Variants in SPON1 observed in about 807,000 individuals in gnomAD.
SPON1 encodes the protein spondin-1.
A neutral mutation model predicts 111.7 loss-of-function variants in SPON1; 52 were observed. That is an observed-to-expected ratio of 0.47 (90% confidence interval 0.37 to 0.59). The LOEUF (loss-of-function observed/expected upper bound fraction) is 0.59, where lower values mean the gene tolerates loss of function less well. SPON1 is among the 20% of genes least tolerant of loss of function. SPON1 has a pLI of 0.00. For synonymous variants in SPON1, 410 were observed against 395.8 expected, an observed-to-expected ratio of 1.04 and a Z score of -0.43; for missense variants, 957 against 1,068.5, an observed-to-expected ratio of 0.90 and a Z score of 1.46.
intron 5 of SPON1, among the ~76,000 whole-genome samples, chr11:14,096,825 G>T (rs565928144): frequency 1.8e-4 from 27 of 152,238 alleles, no homozygotes; most frequent in African/African-American, 5.8e-4. Flanking sequence ...TTTCCTGTGG[G>T]ACTGAGACTG....
chr11:14,173,075 T>C (rs1455266342), intron 6 of SPON1, among the ~76,000 whole-genome samples: 4 of 151,964 alleles, frequency 2.6e-5, no homozygotes, highest in African/African-American at 9.7e-5. Flanking sequence ...CTGGATAATA[T>C]CCTGCAGAGT....
intron 6 of SPON1, among the ~76,000 whole-genome samples, chr11:14,156,881 GCACT>G (rs1414186504): frequency 1.3e-5 from 2 of 152,116 alleles, no homozygotes; most frequent in Non-Finnish European, 2.9e-5. Flanking sequence ...AAATCTCTGA[GCACT>G]CACTCACTAT....
At chr11:14,034,740 G>A (rs1369055029) in intron 2 of SPON1, among the ~76,000 whole-genome samples, 1 of 152,188 alleles carries the variant, frequency 6.6e-6, no homozygotes. Context: ...AATCCAGACA[G>A]ATCACTCTGA....
chr11:14,261,118 A>G (rs755522529), intron 14 of SPON1, among the ~76,000 whole-genome samples: 1 of 152,106 alleles, frequency 6.6e-6, no homozygotes. Context: ...TTTCCCTGTG[A>G]CCATTTTAAT....
chr11:14,217,352 G>A (rs994474235), intron 6 of SPON1, among the ~76,000 whole-genome samples: 3 of 151,844 alleles, frequency 2.0e-5, no homozygotes, highest in Middle Eastern at 3.4e-3. Flanking sequence ...GTTCTATTAC[G>A]TAAAGAAAAA....
chr11:14,251,913 C>G (rs551320382), intron 7 of SPON1, among the ~76,000 whole-genome samples: 2 of 152,334 alleles, frequency 1.3e-5, no homozygotes, highest in East Asian at 3.9e-4. Context: ...GAAATTAAAT[C>G]CCCTGATTTG....
chr11:14,111,888 T>G (rs1225400076), intron 5 of SPON1, among the ~76,000 whole-genome samples: 2 of 152,054 alleles, frequency 1.3e-5, no homozygotes, highest in African/African-American at 4.8e-5. Context: ...CAAAGTGACA[T>G]GGAATTTCTA....
chr11:14,122,964 C>T (rs1554926655), intron 5 of SPON1, among the ~76,000 whole-genome samples: 1 of 140,340 alleles, frequency 7.1e-6, no homozygotes, highest in Non-Finnish European at 1.5e-5. Context: ...GACAGGATCT[C>T]CTTCTGTCAC....
At chr11:13,981,563 T>TGATCCGCC (rs1554909645) in intron 1 of SPON1, among the ~76,000 whole-genome samples, 1 of 152,228 alleles carries the variant, frequency 6.6e-6, no homozygotes. Context: ...CTTGACCTTG[T>TGATCCGCC]GATCCGCCCA....
intron 5 of SPON1, among the ~76,000 whole-genome samples, chr11:14,132,896 T>C (rs1554927672): frequency 6.6e-6 from 1 of 152,244 alleles, no homozygotes; most frequent in African/African-American, 2.4e-5. Flanking sequence ...TATCTCACTT[T>C]TAAATAATTT....
chr11:14,084,270 T>A (rs1412316961), intron 5 of SPON1, among the ~76,000 whole-genome samples: 4 of 151,852 alleles, frequency 2.6e-5, no homozygotes, highest in African/African-American at 9.7e-5. Flanking sequence ...ATGCATTAGG[T>A]TATTTGTCCT....
At chr11:14,176,696 C>A (rs1340140342) in intron 6 of SPON1, among the ~76,000 whole-genome samples, 1 of 152,152 alleles carries the variant, frequency 6.6e-6, no homozygotes, top group African/African-American at 2.4e-5. Context: ...TAAATCCATG[C>A]ACATTGGGTC....
chr11:14,145,855 A>T (rs1470612985), intron 6 of SPON1, among the ~76,000 whole-genome samples: 1 of 152,202 alleles, frequency 6.6e-6, no homozygotes, highest in Non-Finnish European at 1.5e-5. Flanking sequence ...AAAAAGAATA[A>T]GGCAGATTTG....
At chr11:14,082,183 G>T (rs1284537646) in intron 5 of SPON1, among the ~76,000 whole-genome samples, 1 of 79,720 alleles carries the variant, frequency 1.3e-5, no homozygotes, top group Non-Finnish European at 3.5e-5. Flanking sequence ...TTAGGGAGGA[G>T]GTGAAAAAAA....
chr11:14,223,602 T>C (rs782099170), intron 6 of SPON1, among the ~76,000 whole-genome samples: 3 of 152,196 alleles, frequency 2.0e-5, no homozygotes, highest in African/African-American at 4.8e-5. Context: ...CTGGAGAAAA[T>C]GCCAGACTCT....
intron 3 of SPON1, among the ~76,000 whole-genome samples, chr11:14,045,048 C>A (rs1848658217): frequency 6.6e-6 from 1 of 152,072 alleles, no homozygotes; most frequent in Non-Finnish European, 1.5e-5. Flanking sequence ...ACAGTAGATG[C>A]CAAGAAATGG....
intron 2 of SPON1, among the ~76,000 whole-genome samples, chr11:13,987,490 C>T (rs1554910587): frequency 1.3e-5 from 2 of 152,080 alleles, no homozygotes; most frequent in African/African-American, 4.8e-5. Flanking sequence ...AATTTTCTCC[C>T]ATTCTGTAGG....
intron 7 of SPON1, among the ~76,000 whole-genome samples, chr11:14,248,967 AG>A (rs1337206368): frequency 7.9e-5 from 12 of 152,224 alleles, no homozygotes; most frequent in African/African-American, 2.9e-4. Context: ...ATCCTTTCCT[AG>A]TTCCTCCGGT....
At chr11:14,247,550 G>A (rs1849006398) in intron 7 of SPON1, among the ~76,000 whole-genome samples, 1 of 152,218 alleles carries the variant, frequency 6.6e-6, no homozygotes, top group Non-Finnish European at 1.5e-5. Context: ...GAAAACCGGA[G>A]AGAATTAACT....
Sources: gnomAD v4.1 joint callset for allele counts (sites outside exome capture counted in the v4.1 genomes callset) on GRCh38, gnomAD v4.1.1 for gene constraint, MANE v1.5 for transcripts, NCBI Gene and HGNC (gene_info 2026-07-23, HGNC 2026-07-21) for gene names.